The following PLXNA4 variants were observed in gnomAD, a reference collection of about 807,000 sequenced individuals.
PLXNA4 encodes the protein plexin-A4.
In PLXNA4, 44 loss-of-function variants were observed where a neutral mutation model predicts 191.8. That is an observed-to-expected ratio of 0.23 (90% confidence interval 0.18 to 0.29). The LOEUF (loss-of-function observed/expected upper bound fraction) is 0.29, where lower values mean the gene tolerates loss of function less well. Ranked by LOEUF, PLXNA4 falls within the 10% of genes least tolerant of loss-of-function variation. PLXNA4 has a pLI of 1.00. For synonymous variants in PLXNA4, 1,082 were observed against 1,009.5 expected (o/e 1.07, Z -1.36); for missense variants, 1,800 against 2,488.8 (o/e 0.72, Z 5.89).
At chr7:132,448,961 A>G (rs775542110) in intron 3 of PLXNA4, among the ~76,000 whole-genome samples, 7 of 152,262 alleles carry the variant, frequency 4.6e-5, no homozygotes, top group Non-Finnish European at 7.3e-5. Context: ...GTACCTGGTA[A>G]GATATTAATG....
At chr7:132,194,003 A>G in intron 14 of PLXNA4, 59 bp downstream of exon 14, 2 of 1,567,312 alleles carry the variant, frequency 1.3e-6, no homozygotes, top group East Asian at 4.5e-5. Flanking sequence ...GGGCCCAGCA[A>G]TCATGGTAAT....
At chr7:132,599,445 G>T (rs1802776601) in intron 2 of PLXNA4, among the ~76,000 whole-genome samples, 1 of 152,108 alleles carries the variant, frequency 6.6e-6, no homozygotes, top group Admixed American at 6.5e-5. Flanking sequence ...AGGACCTCAG[G>T]TGTTCTTAAA....
chr7:132,396,202 A>T (rs1793748260), intron 3 of PLXNA4, among the ~76,000 whole-genome samples: 1 of 152,218 alleles, frequency 6.6e-6, no homozygotes, highest in Admixed American at 6.5e-5. Context: ...CTCAGTACAG[A>T]TACTGAAGAG....
At chr7:132,247,867 G>T (rs10254737) in intron 4 of PLXNA4, among the ~76,000 whole-genome samples, 68,344 of 152,010 alleles carry the variant, frequency 0.45, 16,481 homozygotes, top group East Asian at 0.68. Flanking sequence ...TGCTCAAAGG[G>T]GGCAGGTATT....
chr7:132,490,616 A>C (rs1333600719), intron 2 of PLXNA4, among the ~76,000 whole-genome samples: 2 of 151,830 alleles, frequency 1.3e-5, no homozygotes, highest in Non-Finnish European at 2.9e-5. Flanking sequence ...TTGTAGAGAC[A>C]GTATTTCATC....
At chr7:132,560,208 T>A (rs1800978800) in intron 1 of PLXNA4, among the ~76,000 whole-genome samples, 1 of 152,150 alleles carries the variant, frequency 6.6e-6, no homozygotes, top group Non-Finnish European at 1.5e-5. Flanking sequence ...GAGCATGCGC[T>A]CATTGAAGTT....
chr7:132,184,619 C>A (rs1367298693), intron 16 of PLXNA4, among the ~76,000 whole-genome samples: 1 of 152,174 alleles, frequency 6.6e-6, no homozygotes, highest in Admixed American at 6.5e-5. Flanking sequence ...GGAAGAGTAC[C>A]AATTTGCCCA....
chr7:132,308,520 G>A (rs1801610643), intron 3 of PLXNA4, among the ~76,000 whole-genome samples: 1 of 152,138 alleles, frequency 6.6e-6, no homozygotes, highest in Admixed American at 6.5e-5. Flanking sequence ...CCTGGCAGAT[G>A]GACCATGCTC....
At chr7:132,240,246 A>G (rs1380692136) in intron 5 of PLXNA4, among the ~76,000 whole-genome samples, 1 of 152,198 alleles carries the variant, frequency 6.6e-6, no homozygotes, top group Non-Finnish European at 1.5e-5. Flanking sequence ...GTGAGGTCCA[A>G]CCATTCGTTG....
At chr7:132,589,688 C>G (rs1802570303) in intron 2 of PLXNA4, among the ~76,000 whole-genome samples, 1 of 152,142 alleles carries the variant, frequency 6.6e-6, no homozygotes, top group African/African-American at 2.4e-5. Context: ...AAGTGGAGAT[C>G]AAAGCTCTTG....
At chr7:132,203,287 C>T (rs1298021696) in intron 11 of PLXNA4, 36 bp downstream of exon 11, 1 of 1,566,192 alleles carries the variant, frequency 6.4e-7, no homozygotes, top group Non-Finnish European at 8.8e-7. Flanking sequence ...CCATCCCTTC[C>T]CCTCCCTCCC....
chr7:132,215,951 T>C (rs753296565), intron 9 of PLXNA4, among the ~76,000 whole-genome samples: 1 of 152,256 alleles, frequency 6.6e-6, no homozygotes, highest in Admixed American at 6.5e-5. Flanking sequence ...TGAGCTGTTA[T>C]AACAAATTAT....
chr7:132,523,480 C>T (rs967149995), intron 1 of PLXNA4, among the ~76,000 whole-genome samples: 1 of 152,194 alleles, frequency 6.6e-6, no homozygotes, highest in African/African-American at 2.4e-5. Flanking sequence ...AGGCAGAAGG[C>T]CGACGGGCTG....
At chr7:132,571,605 A>G (rs957344867) in intron 1 of PLXNA4, among the ~76,000 whole-genome samples, 1 of 152,292 alleles carries the variant, frequency 6.6e-6, no homozygotes, top group South Asian at 2.1e-4. Flanking sequence ...TCCATCCCTT[A>G]GCAACCTGGC....
At chr7:132,512,211 G>A (rs568396750) in intron 1 of PLXNA4, among the ~76,000 whole-genome samples, 3 of 152,322 alleles carry the variant, frequency 2.0e-5, no homozygotes, top group South Asian at 2.1e-4. Flanking sequence ...AGAGAACTTC[G>A]CACAGTCTCT....
intron 1 of PLXNA4, among the ~76,000 whole-genome samples, chr7:132,540,612 G>A (rs1328898092): frequency 1.9e-5 from 2 of 107,630 alleles, no homozygotes; most frequent in African/African-American, 7.4e-5. Flanking sequence ...ACGGAGTCTT[G>A]CTCTGTCGCC....
At chr7:132,523,003 G>T (rs912892563) in intron 1 of PLXNA4, among the ~76,000 whole-genome samples, 7 of 152,042 alleles carry the variant, frequency 4.6e-5, no homozygotes, top group African/African-American at 1.7e-4. Context: ...GCTCTCGGGG[G>T]CCAAGGGCTT....
intron 20 of PLXNA4, among the ~76,000 whole-genome samples, chr7:132,176,486 G>A (rs1012824206): frequency 6.6e-6 from 1 of 152,378 alleles, no homozygotes; most frequent in East Asian, 1.9e-4. Flanking sequence ...ATAGGTGTGG[G>A]TGCATGGGCA....
chr7:132,210,161 G>A (rs1213572315), intron 10 of PLXNA4, among the ~76,000 whole-genome samples: 1 of 152,184 alleles, frequency 6.6e-6, no homozygotes, highest in African/African-American at 2.4e-5. Flanking sequence ...GAATCTATGT[G>A]TCTAGTGTTT....
Sources: allele counts gnomAD v4.1 joint callset (sites outside exome capture counted in the v4.1 genomes callset), GRCh38; gene constraint gnomAD v4.1.1; transcripts MANE v1.5; gene names NCBI Gene and HGNC (gene_info 2026-07-23, HGNC 2026-07-21).